DPP6: variants seen among roughly 807,000 people sequenced by gnomAD.
DPP6 encodes dipeptidyl peptidase like 6.
A neutral mutation model predicts 122.6 loss-of-function variants in DPP6; 69 were observed. The observed-to-expected ratio is 0.56, with a 90% CI of 0.46 to 0.69. DPP6 has a LOEUF of 0.69. Among genes scored for constraint, DPP6 ranks in the 30% least tolerant of loss-of-function variants. The pLI, the probability that DPP6 is intolerant of heterozygous loss-of-function variation, is 0.00. For missense variants in DPP6, 928 were observed against 1,116.9 expected (o/e 0.83, Z 2.41); for synonymous variants, 418 against 433.1 (o/e 0.97, Z 0.43).
chr7:153,789,890 T>A, the DPP6 span, among the ~76,000 whole-genome samples: 35 of 152,272 alleles, frequency 2.3e-4, no homozygotes, highest in Admixed American at 1.2e-3. Flanking sequence ...AGAGACAATA[T>A]ATAATCTTCT....
At chr7:153,956,416 G>C (rs1289353631) in intron 1 of DPP6, among the ~76,000 whole-genome samples, 2 of 152,164 alleles carry the variant, frequency 1.3e-5, no homozygotes, top group African/African-American at 4.8e-5. Flanking sequence ...CTGGGGATAG[G>C]AGATGGACGA....
chr7:153,912,315 G>A (rs1307669123), intron 1 of DPP6, among the ~76,000 whole-genome samples: 2 of 152,182 alleles, frequency 1.3e-5, no homozygotes, highest in African/African-American at 4.8e-5. Flanking sequence ...CGCAAAGGAT[G>A]CAGAGGAGGT....
intron 1 of DPP6, among the ~76,000 whole-genome samples, chr7:154,025,193 T>A (rs1189094888): frequency 6.6e-6 from 1 of 151,262 alleles, no homozygotes; most frequent in Non-Finnish European, 1.5e-5. Flanking sequence ...TCTAGAGGGA[T>A]ATAAACCAAT....
chr7:153,950,959 C>T (rs760096613), intron 1 of DPP6, among the ~76,000 whole-genome samples: 3 of 152,128 alleles, frequency 2.0e-5, no homozygotes, highest in Non-Finnish European at 4.4e-5. Context: ...GGATGGAGCA[C>T]AGGGAGCGGC....
intron 16 of DPP6, among the ~76,000 whole-genome samples, chr7:154,846,631 C>T (rs76682429): frequency 6.6e-6 from 1 of 152,160 alleles, no homozygotes; most frequent in Admixed American, 6.5e-5. Flanking sequence ...GCAGTCTTAC[C>T]CGTGTGCAAA....
At chr7:153,815,367 AT>A in the DPP6 span, among the ~76,000 whole-genome samples, 1,267 of 150,884 alleles carry the variant, frequency 8.4e-3, 17 homozygotes, top group African/African-American at 0.028. Flanking sequence ...TGGTGAGGAA[AT>A]TTTTTTTTTA....
intron 1 of DPP6, among the ~76,000 whole-genome samples, chr7:153,950,205 G>T (rs977201334): frequency 3.3e-5 from 5 of 152,116 alleles, no homozygotes; most frequent in African/African-American, 9.7e-5. Context: ...AGGCATTTAA[G>T]AATTAAAATT....
At chr7:154,171,412 A>G (rs1230485018) in intron 1 of DPP6, among the ~76,000 whole-genome samples, 1 of 152,220 alleles carries the variant, frequency 6.6e-6, no homozygotes, top group Non-Finnish European at 1.5e-5. Context: ...CTGAGAGGAC[A>G]GAGGAGGATG....
At chr7:154,819,618 A>C (rs1056806024) in intron 16 of DPP6, among the ~76,000 whole-genome samples, 6 of 152,158 alleles carry the variant, frequency 3.9e-5, no homozygotes, top group African/African-American at 1.2e-4. Flanking sequence ...CCTAAAGAAT[A>C]TCTCTCTTCA....
chr7:154,713,467 G>A (rs1015417227), intron 7 of DPP6, among the ~76,000 whole-genome samples: 3 of 152,220 alleles, frequency 2.0e-5, no homozygotes, highest in African/African-American at 7.2e-5. Context: ...ACTTCTACCT[G>A]GACATCCTGG....
At chr7:153,985,460 C>T (rs765201812) in intron 1 of DPP6, among the ~76,000 whole-genome samples, 2 of 152,176 alleles carry the variant, frequency 1.3e-5, no homozygotes, top group African/African-American at 2.4e-5. Context: ...CATTGCTCCC[C>T]GGGTGGCCCA....
intron 4 of DPP6, among the ~76,000 whole-genome samples, chr7:154,552,342 A>G (rs561895782): frequency 1.3e-5 from 2 of 152,296 alleles, no homozygotes; most frequent in East Asian, 3.9e-4. Flanking sequence ...CTAAAATTCA[A>G]ACAAAAACCC....
At chr7:153,758,746 A>T in the DPP6 span, among the ~76,000 whole-genome samples, 1 of 151,008 alleles carries the variant, frequency 6.6e-6, no homozygotes, top group African/African-American at 2.4e-5. Flanking sequence ...GTATGCCTAT[A>T]CCATGGTTTG....
At chr7:154,478,865 T>C (rs1049635232) in intron 3 of DPP6, among the ~76,000 whole-genome samples, 7 of 152,204 alleles carry the variant, frequency 4.6e-5, no homozygotes, top group African/African-American at 1.4e-4. Flanking sequence ...TCTATTCCCA[T>C]AGTGACCATG....
chr7:154,526,853 T>C (rs1228167097), intron 3 of DPP6, among the ~76,000 whole-genome samples: 1 of 152,200 alleles, frequency 6.6e-6, no homozygotes, highest in Non-Finnish European at 1.5e-5. Flanking sequence ...GTTCATAGGC[T>C]CCCAGCTCCT....
intron 7 of DPP6, among the ~76,000 whole-genome samples, chr7:154,700,421 T>A (rs1840453880): frequency 6.6e-6 from 1 of 152,180 alleles, no homozygotes; most frequent in African/African-American, 2.4e-5. Context: ...AGTATCATTT[T>A]TTGGGAGAGA....
intron 1 of DPP6, among the ~76,000 whole-genome samples, chr7:154,406,815 A>G (rs1042722154): frequency 6.6e-6 from 1 of 152,168 alleles, no homozygotes; most frequent in Non-Finnish European, 1.5e-5. Context: ...ATGGTGATCA[A>G]ATAAAGAGCA....
At chr7:154,886,285 G>C (rs1052890883) in intron 22 of DPP6, among the ~76,000 whole-genome samples, 1 of 152,206 alleles carries the variant, frequency 6.6e-6, no homozygotes, top group Non-Finnish European at 1.5e-5. Flanking sequence ...ATGGCACCTG[G>C]TCAGCACCTG....
intron 5 of DPP6, among the ~76,000 whole-genome samples, chr7:154,569,446 G>A (rs1334211334): frequency 2.0e-5 from 3 of 151,856 alleles, no homozygotes; most frequent in African/African-American, 7.3e-5. Flanking sequence ...TTCTCATGTT[G>A]GTTACATAGT....
Sources: allele counts gnomAD v4.1 joint callset (sites outside exome capture counted in the v4.1 genomes callset), GRCh38; gene constraint gnomAD v4.1.1; transcripts MANE v1.5; gene names NCBI Gene and HGNC (gene_info 2026-07-23, HGNC 2026-07-21).